SLC2A9: variants seen among roughly 807,000 people sequenced by gnomAD.
SLC2A9 encodes the protein solute carrier family 2, facilitated glucose transporter member 9.
Under a neutral mutation model 50.6 loss-of-function variants are expected in SLC2A9, and 39 were observed. The ratio of observed to expected loss-of-function variants is 0.77; its 90% CI spans 0.60 to 1.01. The LOEUF (loss-of-function observed/expected upper bound fraction) is 1.01. Among genes scored for constraint, SLC2A9 ranks in the 50% least tolerant of loss-of-function variants. The pLI, the probability that SLC2A9 is intolerant of heterozygous loss-of-function variation, is 0.00. For missense variants in SLC2A9, 686 were observed against 677.6 expected (o/e 1.01, Z -0.14); for synonymous variants, 324 against 276.9 (o/e 1.17, Z -1.69).
chr4:9,802,715 C>G (rs773101456), intron 3 of SLC2A9, among the ~76,000 whole-genome samples: 1 of 151,922 alleles, frequency 6.6e-6, no homozygotes, highest in Non-Finnish European at 1.5e-5. Flanking sequence ...CCCACCACTA[C>G]GCCTGGCCAA....
chr4:9,823,833 T>C (rs1031270033), downstream of SLC2A9, among the ~76,000 whole-genome samples: 10 of 152,186 alleles, frequency 6.6e-5, no homozygotes, highest in South Asian at 4.1e-4. Flanking sequence ...AAGATTGTAA[T>C]TGTGTTTCAT....
intron 3 of SLC2A9, among the ~76,000 whole-genome samples, chr4:9,791,360 T>A (rs1451034007): frequency 6.6e-6 from 1 of 152,234 alleles, no homozygotes; most frequent in Non-Finnish European, 1.5e-5. Flanking sequence ...TGGAAGCAGA[T>A]ACTGTGTCTC....
intron 10 of SLC2A9, among the ~76,000 whole-genome samples, chr4:9,862,283 G>A (rs962437069): frequency 6.6e-6 from 1 of 151,952 alleles, no homozygotes; most frequent in South Asian, 2.1e-4. Flanking sequence ...AACCCACCTC[G>A]ATCTGCTATT....
At chr4:10,036,607 G>A (rs1332087569) in intron 1 of SLC2A9, among the ~76,000 whole-genome samples, 1 of 152,138 alleles carries the variant, frequency 6.6e-6, no homozygotes, top group Non-Finnish European at 1.5e-5. Flanking sequence ...TTACATGGCT[G>A]TTTAACATTC....
At chr4:10,013,067 T>C (rs978820550) in intron 2 of SLC2A9, among the ~76,000 whole-genome samples, 8 of 152,184 alleles carry the variant, frequency 5.3e-5, no homozygotes, top group African/African-American at 1.7e-4. Flanking sequence ...CTAGCTACTG[T>C]GGTGTTCATC....
At chr4:9,963,700 G>A (rs1752639876) in intron 5 of SLC2A9, among the ~76,000 whole-genome samples, 1 of 152,210 alleles carries the variant, frequency 6.6e-6, no homozygotes, top group South Asian at 2.1e-4. Flanking sequence ...GAAAAAGGAG[G>A]TTGGGAGGAA....
At chr4:10,031,002 T>C (rs1314446060) in intron 1 of SLC2A9, among the ~76,000 whole-genome samples, 5 of 152,198 alleles carry the variant, frequency 3.3e-5, no homozygotes, top group Non-Finnish European at 5.9e-5. Context: ...CTTTCTATCA[T>C]GTCAGGAGCA....
intron 11 of SLC2A9, among the ~76,000 whole-genome samples, chr4:9,827,101 G>T (rs944178739): frequency 6.6e-6 from 1 of 152,116 alleles, no homozygotes; most frequent in Admixed American, 6.5e-5. Context: ...ACTCTGAGGC[G>T]GCCTTGCACA....
At chr4:9,841,226 T>A (rs950310) in intron 10 of SLC2A9, among the ~76,000 whole-genome samples, 28,090 of 152,222 alleles carry the variant, frequency 0.18, 2,682 homozygotes, top group Admixed American at 0.25. Flanking sequence ...ATTTTCTACA[T>A]GTTGGATTCT....
intron 5 of SLC2A9, among the ~76,000 whole-genome samples, chr4:9,950,279 C>G (rs1749984930): frequency 6.6e-6 from 1 of 152,146 alleles, no homozygotes; most frequent in Non-Finnish European, 1.5e-5. Context: ...TCTCATTTTT[C>G]TCTGTTGGAA....
downstream of SLC2A9, among the ~76,000 whole-genome samples, chr4:9,779,558 G>A (rs994347742): frequency 6.6e-6 from 1 of 151,870 alleles, no homozygotes; most frequent in Non-Finnish European, 1.5e-5. Flanking sequence ...GGGACTACAG[G>A]CGCCCGCCAC....
chr4:9,911,533 C>A (rs1378467962), intron 7 of SLC2A9, among the ~76,000 whole-genome samples: 1 of 152,200 alleles, frequency 6.6e-6, no homozygotes, highest in African/African-American at 2.4e-5. Flanking sequence ...TTGTGTTGAC[C>A]TTGTTCACCA....
chr4:10,024,639 G>C (rs1020855089), upstream of SLC2A9, among the ~76,000 whole-genome samples: 1 of 152,154 alleles, frequency 6.6e-6, no homozygotes, highest in Admixed American at 6.5e-5. Context: ...GGCAGCCCCA[G>C]CAAACCCACA....
intron 5 of SLC2A9, among the ~76,000 whole-genome samples, chr4:9,970,859 G>A (rs991174190): frequency 1.3e-5 from 2 of 152,154 alleles, no homozygotes; most frequent in Non-Finnish European, 2.9e-5. Flanking sequence ...CCTAAACCTA[G>A]TAGTTAAAAT....
chr4:9,954,642 T>C (rs1260825438), intron 5 of SLC2A9, among the ~76,000 whole-genome samples: 1 of 152,042 alleles, frequency 6.6e-6, no homozygotes, highest in African/African-American at 2.4e-5. Flanking sequence ...CAGACCCAAA[T>C]GTTCCCTTGG....
At chr4:9,793,686 T>C (rs972007239) in intron 3 of SLC2A9, among the ~76,000 whole-genome samples, 1 of 152,172 alleles carries the variant, frequency 6.6e-6, no homozygotes. Context: ...CTGTTTTTTG[T>C]TTGGTTTTGG....
At chr4:9,864,990 T>C (rs1732221655) in intron 10 of SLC2A9, among the ~76,000 whole-genome samples, 1 of 152,242 alleles carries the variant, frequency 6.6e-6, no homozygotes, top group Non-Finnish European at 1.5e-5. Context: ...GCTGTGAGCA[T>C]GAACACTTGA....
chr4:9,820,972 G>A (rs1724316233), intron 3 of SLC2A9, among the ~76,000 whole-genome samples: 1 of 152,178 alleles, frequency 6.6e-6, no homozygotes, highest in Non-Finnish European at 1.5e-5. Flanking sequence ...ATAGTGAATA[G>A]AGGCAGTGAT....
chr4:9,794,011 G>A (rs182831681), intron 3 of SLC2A9, among the ~76,000 whole-genome samples: 20 of 152,260 alleles, frequency 1.3e-4, no homozygotes, highest in Middle Eastern at 3.4e-3. Context: ...ATGATTAAAC[G>A]TTTCTGAATT....
Sources: allele counts gnomAD v4.1 joint callset (sites outside exome capture counted in the v4.1 genomes callset), GRCh38; gene constraint gnomAD v4.1.1; transcripts MANE v1.5; gene names NCBI Gene and HGNC (gene_info 2026-07-23, HGNC 2026-07-21).